The following SHISA9 variants were observed in gnomAD, a reference collection of about 807,000 sequenced individuals.
SHISA9 encodes the protein protein shisa-9.
Under a neutral mutation model 38.0 loss-of-function variants are expected in SHISA9, and 13 were observed. The observed-to-expected ratio is 0.34, with a 90% CI of 0.22 to 0.54. The LOEUF (loss-of-function observed/expected upper bound fraction) is 0.54. Ranked by LOEUF, SHISA9 falls within the 20% of genes least tolerant of loss-of-function variation. The pLI is 0.91. For synonymous variants in SHISA9, 275 were observed against 242.0 expected (o/e 1.14, Z -1.27); for missense variants, 538 against 575.8 (o/e 0.93, Z 0.67).
At chr16:13,492,246 G>GA in the SHISA9 span, among the ~76,000 whole-genome samples, 1 of 152,130 alleles carries the variant, frequency 6.6e-6, no homozygotes, top group Non-Finnish European at 1.5e-5. Context: ...GAGCACTGGG[G>GA]AAAATGTGCT....
the SHISA9 span, among the ~76,000 whole-genome samples, chr16:13,487,704 T>C: frequency 6.6e-6 from 1 of 152,268 alleles, no homozygotes; most frequent in Non-Finnish European, 1.5e-5. Flanking sequence ...AATACTAACA[T>C]AATGTAAATG....
chr16:13,357,823 T>TG, the SHISA9 span, among the ~76,000 whole-genome samples: 2 of 146,862 alleles, frequency 1.4e-5, no homozygotes, highest in South Asian at 4.5e-4. Flanking sequence ...AGGTGCTCAG[T>TG]GGGGGTGCTT....
At chr16:13,274,695 C>T in the SHISA9 span, among the ~76,000 whole-genome samples, 15 of 152,052 alleles carry the variant, frequency 9.9e-5, no homozygotes, top group Non-Finnish European at 2.1e-4. Flanking sequence ...AATTCCATGA[C>T]ATGCCAACTC....
intron 2 of SHISA9, among the ~76,000 whole-genome samples, chr16:13,175,673 C>T (rs1449207386): frequency 1.3e-5 from 2 of 152,234 alleles, no homozygotes; most frequent in African/African-American, 2.4e-5. Context: ...TCCAGTATTT[C>T]TCTGCATGGG....
chr16:13,096,693 A>T (rs1008376644), intron 2 of SHISA9, among the ~76,000 whole-genome samples: 3 of 152,194 alleles, frequency 2.0e-5, no homozygotes, highest in Non-Finnish European at 2.9e-5. Flanking sequence ...TCTATCTTGG[A>T]AGTTTAATTC....
chr16:12,931,975 G>A (rs1166634084), intron 2 of SHISA9, among the ~76,000 whole-genome samples: 4 of 152,190 alleles, frequency 2.6e-5, no homozygotes, highest in Admixed American at 2.6e-4. Flanking sequence ...TGGAGGGCAA[G>A]TTTTTCTCAT....
At chr16:12,963,886 A>G (rs2071944008) in intron 2 of SHISA9, among the ~76,000 whole-genome samples, 2 of 152,190 alleles carry the variant, frequency 1.3e-5, no homozygotes, top group African/African-American at 4.8e-5. Flanking sequence ...CATGTTTTGG[A>G]TGTCATAGCC....
chr16:12,902,146 G>A lies in SHISA9; in HGVS notation c.82G>A (p.Gly28Arg), dbSNP rs1174348511. 3.3e-6 allele frequency: 5 copies of A among 1,525,426 alleles called. No individual in the cohort carries two copies. The highest frequency in any genetic ancestry group is 4.4e-6 in the Non-Finnish European group (5 of 1,142,436). 94.5% of individuals were successfully genotyped at this position (1,525,426 alleles called of 1,614,324 possible). A position where few individuals can be genotyped will look rare whatever the true frequency, so the allele number is the denominator to read the frequency against. Residue 28 changes from glycine (G) to arginine (R), a missense_variant, in exon 1 of 5, where the codon GGA becomes AGA. Gly to Arg is a moderately radical substitution (Grantham distance 125, BLOSUM62 -2). This residue lies in a region of SHISA9 where 107 missense variants were observed against 103.0 expected (regional missense o/e 1.04). Coordinates refer to ENST00000558583, the MANE Select transcript of SHISA9 (RefSeq NM_001145204.3). The part of the protein sequence containing the change: ...ARVCRAQERA[G>R]HGQLAQLGGV... Reference sequence around the variant, plus strand: ...CGTGTGCCGGGCGCAGGAGCGAGCGGGACACGGGCAGCTGGCGCAACTGGG... The same window carrying A: ...CGTGTGCCGGGCGCAGGAGCGAGCGAGACACGGGCAGCTGGCGCAACTGGG...
the SHISA9 span, among the ~76,000 whole-genome samples, chr16:13,465,754 C>A: frequency 3.3e-5 from 5 of 152,236 alleles, no homozygotes; most frequent in Admixed American, 6.5e-5. Flanking sequence ...TCTCTCCCCC[C>A]TCTACCTCTC....
the SHISA9 span, among the ~76,000 whole-genome samples, chr16:13,492,102 G>T: frequency 6.6e-6 from 1 of 151,912 alleles, no homozygotes; most frequent in Non-Finnish European, 1.5e-5. Context: ...GAAGAACAAA[G>T]AAAACCTTCC....
At chr16:13,029,824 T>G (rs2072969847) in intron 2 of SHISA9, among the ~76,000 whole-genome samples, 1 of 152,212 alleles carries the variant, frequency 6.6e-6, no homozygotes, top group Admixed American at 6.5e-5. Context: ...TCGTCACTTT[T>G]GTGATTTATG....
the SHISA9 span, among the ~76,000 whole-genome samples, chr16:13,453,212 A>C: frequency 6.6e-6 from 1 of 152,216 alleles, no homozygotes; most frequent in Non-Finnish European, 1.5e-5. Context: ...TAGCATCCCC[A>C]GGGAAAACCG....
At chr16:12,984,339 A>C (rs2072279727) in intron 2 of SHISA9, among the ~76,000 whole-genome samples, 1 of 152,352 alleles carries the variant, frequency 6.6e-6, no homozygotes, top group Non-Finnish European at 1.5e-5. Context: ...GGAGGACTTC[A>C]CATTAAATTT....
At chr16:13,427,092 T>C in the SHISA9 span, among the ~76,000 whole-genome samples, 8 of 152,314 alleles carry the variant, frequency 5.3e-5, no homozygotes, top group East Asian at 1.2e-3. Context: ...CTAATTGGTA[T>C]CTGAAACATT....
the SHISA9 span, among the ~76,000 whole-genome samples, chr16:13,245,770 C>T: frequency 1.3e-5 from 2 of 152,106 alleles, no homozygotes; most frequent in Non-Finnish European, 2.9e-5. Context: ...TATTAAATGT[C>T]CTCACTTCTC....
chr16:13,426,893 T>C, the SHISA9 span, among the ~76,000 whole-genome samples: 1 of 152,236 alleles, frequency 6.6e-6, no homozygotes, highest in Non-Finnish European at 1.5e-5. Flanking sequence ...ATTTTCACAA[T>C]AATTCTCTGC....
At chr16:13,179,797 G>C (rs1274210722) in intron 2 of SHISA9, among the ~76,000 whole-genome samples, 9 of 152,234 alleles carry the variant, frequency 5.9e-5, no homozygotes, top group Admixed American at 3.9e-4. Flanking sequence ...GAGCAGATCA[G>C]AATCCAAAGA....
chr16:13,549,062 A>G, the SHISA9 span, among the ~76,000 whole-genome samples: 1 of 152,238 alleles, frequency 6.6e-6, no homozygotes, highest in Non-Finnish European at 1.5e-5. Flanking sequence ...TGTTATTTGC[A>G]GCAATGTGGA....
the SHISA9 span, among the ~76,000 whole-genome samples, chr16:13,552,425 A>T: frequency 1.3e-5 from 2 of 151,984 alleles, no homozygotes; most frequent in African/African-American, 4.8e-5. Flanking sequence ...AGGTGTCACG[A>T]TGCCATTTCA....
Sources: allele counts gnomAD v4.1 joint callset (sites outside exome capture counted in the v4.1 genomes callset), GRCh38; gene constraint gnomAD v4.1.1; regional missense constraint gnomAD v4.1.1; transcripts MANE v1.5; gene names NCBI Gene and HGNC (gene_info 2026-07-23, HGNC 2026-07-21).